Variants in EDIL3 observed in about 807,000 individuals in gnomAD.
EDIL3 encodes the protein EGF like and discoidin domains 3.
Under a neutral mutation model 67.4 loss-of-function variants are expected in EDIL3, and 37 were observed. The observed-to-expected ratio is 0.55, with a 90% confidence interval of 0.42 to 0.72. The LOEUF (loss-of-function observed/expected upper bound fraction) is 0.72. EDIL3 is among the 30% of genes least tolerant of loss of function. The pLI, the probability that EDIL3 is intolerant of heterozygous loss-of-function variation, is 0.00. For synonymous variants in EDIL3, 195 were observed against 196.3 expected, an observed-to-expected ratio of 0.99 and a Z score of 0.05; for missense variants, 527 against 586.3, an observed-to-expected ratio of 0.90 and a Z score of 1.04.
chr5:84,191,127 T>C (rs1743576858), intron 3 of EDIL3, among the ~76,000 whole-genome samples: 1 of 152,048 alleles, frequency 6.6e-6, no homozygotes, highest in Non-Finnish European at 1.5e-5. Context: ...TTCTCTTTGT[T>C]GAATGTTGTA....
At chr5:83,993,453 T>C (rs1745185341) in intron 9 of EDIL3, among the ~76,000 whole-genome samples, 1 of 152,206 alleles carries the variant, frequency 6.6e-6, no homozygotes, top group Non-Finnish European at 1.5e-5. Flanking sequence ...AAAATCAAAG[T>C]ATTTGACAAA....
At chr5:84,215,633 CT>C (rs2112394316) in intron 3 of EDIL3, among the ~76,000 whole-genome samples, 1 of 152,206 alleles carries the variant, frequency 6.6e-6, no homozygotes, top group East Asian at 1.9e-4. Flanking sequence ...AATGTGTGAA[CT>C]TTTTAGAGAC....
At chr5:84,309,356 T>C (rs1359488664) in intron 1 of EDIL3, among the ~76,000 whole-genome samples, 1 of 151,232 alleles carries the variant, frequency 6.6e-6, no homozygotes, top group Admixed American at 6.6e-5. Context: ...TTTTTTATTA[T>C]TATACTTTAA....
intron 3 of EDIL3, among the ~76,000 whole-genome samples, chr5:84,193,030 A>C (rs1408853342): frequency 6.6e-6 from 1 of 152,008 alleles, no homozygotes; most frequent in Non-Finnish European, 1.5e-5. Context: ...TGTAGCTAGA[A>C]CAGGCACAGC....
chr5:83,953,509 T>C (rs887561808), intron 10 of EDIL3, among the ~76,000 whole-genome samples: 1 of 151,834 alleles, frequency 6.6e-6, no homozygotes, highest in South Asian at 2.1e-4. Flanking sequence ...TTTTGTTATG[T>C]AAAAGTTATA....
intron 1 of EDIL3, among the ~76,000 whole-genome samples, chr5:84,366,969 A>G (rs1318088890): frequency 1.3e-5 from 2 of 152,214 alleles, no homozygotes; most frequent in East Asian, 3.9e-4. Flanking sequence ...ATTTTAAATA[A>G]TTATCCACAA....
chr5:84,327,629 T>A (rs1456061464), intron 1 of EDIL3, among the ~76,000 whole-genome samples: 1 of 152,062 alleles, frequency 6.6e-6, no homozygotes, highest in Non-Finnish European at 1.5e-5. Flanking sequence ...TGAGAACAAT[T>A]AAAGTTGTGT....
intron 1 of EDIL3, among the ~76,000 whole-genome samples, chr5:84,374,276 A>G (rs1161788687): frequency 1.3e-5 from 2 of 152,132 alleles, no homozygotes; most frequent in Non-Finnish European, 1.5e-5. Context: ...GGAGTAAAAA[A>G]TAAGTTGGAA....
chr5:84,176,378 A>G (rs1016383764), intron 4 of EDIL3, among the ~76,000 whole-genome samples: 7 of 85,044 alleles, frequency 8.2e-5, no homozygotes, highest in Non-Finnish European at 1.7e-4. Context: ...ACTTCTCCTA[A>G]ACTGTCCTGT....
At chr5:84,138,965 C>A (rs909704197) in intron 4 of EDIL3, among the ~76,000 whole-genome samples, 1 of 152,154 alleles carries the variant, frequency 6.6e-6, no homozygotes, top group Admixed American at 6.5e-5. Flanking sequence ...CTCAGCCGGG[C>A]GTGGTGGCTC....
chr5:84,071,877 T>A (rs1319398543), intron 6 of EDIL3, among the ~76,000 whole-genome samples: 1 of 152,048 alleles, frequency 6.6e-6, no homozygotes, highest in Non-Finnish European at 1.5e-5. Flanking sequence ...GACAGATGAA[T>A]AGAACAGAAT....
intron 4 of EDIL3, among the ~76,000 whole-genome samples, chr5:84,147,249 C>A (rs1214873747): frequency 2.0e-5 from 3 of 151,974 alleles, no homozygotes; most frequent in African/African-American, 7.3e-5. Flanking sequence ...ATTTTCACTG[C>A]AGAGTAGAGA....
chr5:83,944,188 G>A (rs1420478169), intron 10 of EDIL3, among the ~76,000 whole-genome samples: 1 of 149,214 alleles, frequency 6.7e-6, no homozygotes, highest in Non-Finnish European at 1.5e-5. Flanking sequence ...AGTGCCTTTT[G>A]CCCACTTCTT....
intron 1 of EDIL3, among the ~76,000 whole-genome samples, chr5:84,302,075 AG>A: frequency 6.6e-6 from 1 of 152,308 alleles, no homozygotes; most frequent in African/African-American, 2.4e-5. Flanking sequence ...GTATATAGAA[AG>A]TATATCTTAT....
intron 1 of EDIL3, among the ~76,000 whole-genome samples, chr5:84,313,999 C>G (rs1016039594): frequency 2.6e-5 from 4 of 151,944 alleles, no homozygotes; most frequent in Non-Finnish European, 5.9e-5. Context: ...AGTTTCAGAC[C>G]AGCCTGGACA....
At chr5:84,080,099 G>T (rs1156333931) in intron 6 of EDIL3, among the ~76,000 whole-genome samples, 4 of 94,608 alleles carry the variant, frequency 4.2e-5, no homozygotes, top group African/African-American at 1.7e-4. Flanking sequence ...GTGAAACCCC[G>T]TCTCTACTAA....
chr5:84,320,944 T>C (rs1268963948), intron 1 of EDIL3, among the ~76,000 whole-genome samples: 2 of 152,190 alleles, frequency 1.3e-5, no homozygotes, highest in Non-Finnish European at 2.9e-5. Context: ...TTGATTTTAC[T>C]TTGTGCTGAG....
chr5:84,017,756 T>C (rs113235596), intron 9 of EDIL3, among the ~76,000 whole-genome samples: 12 of 152,336 alleles, frequency 7.9e-5, no homozygotes, highest in African/African-American at 2.6e-4. Flanking sequence ...TCTGTTGTTT[T>C]CTTTTTCAAT....
intron 9 of EDIL3, among the ~76,000 whole-genome samples, chr5:83,977,566 A>T (rs1347333208): frequency 6.6e-6 from 1 of 151,860 alleles, no homozygotes; most frequent in African/African-American, 2.4e-5. Context: ...ATCTTTAATT[A>T]TAAGTCTATT....
Sources: allele counts gnomAD v4.1 joint callset (sites outside exome capture counted in the v4.1 genomes callset), GRCh38; gene constraint gnomAD v4.1.1; transcripts MANE v1.5; gene names NCBI Gene and HGNC (gene_info 2026-07-23, HGNC 2026-07-21).